DYNC1LI2: variants seen among roughly 807,000 people sequenced by gnomAD.
DYNC1LI2 encodes the protein cytoplasmic dynein 1 light intermediate chain 2.
Under a neutral mutation model 57.8 loss-of-function variants are expected in DYNC1LI2, and 19 were observed. The observed-to-expected ratio is 0.33, with a 90% CI of 0.23 to 0.48. DYNC1LI2 has a LOEUF of 0.48. Among genes scored for constraint, DYNC1LI2 ranks in the 20% least tolerant of loss-of-function variants. The pLI is 0.99. For missense variants in DYNC1LI2, 470 were observed against 604.2 expected (o/e 0.78, Z 2.33); for synonymous variants, 256 against 233.4 (o/e 1.10, Z -0.88).
intron 3 of DYNC1LI2, among the ~76,000 whole-genome samples, chr16:66,745,382 G>A (rs1244336455): frequency 6.6e-6 from 1 of 152,000 alleles, no homozygotes; most frequent in Non-Finnish European, 1.5e-5. Context: ...AGGTTCAGGC[G>A]ATCCTCATGC....
At chr16:66,743,752 A>G (rs1172706440) in intron 3 of DYNC1LI2, among the ~76,000 whole-genome samples, 1 of 152,212 alleles carries the variant, frequency 6.6e-6, no homozygotes, top group Non-Finnish European at 1.5e-5. Context: ...TGGTCACACT[A>G]AACAATGCAT....
At chr16:66,745,215 T>C (rs2017914066) in intron 3 of DYNC1LI2, among the ~76,000 whole-genome samples, 2 of 152,128 alleles carry the variant, frequency 1.3e-5, no homozygotes, top group Admixed American at 1.3e-4. Context: ...CTATGTTTTA[T>C]AAAAGTACCT....
In DYNC1LI2 at chr16:66,723,070, AC is replaced by A. The variant is rs1188720948; in HGVS notation, c.*651del. On this transcript the variant is annotated 3_prime_UTR_variant, in exon 13 of 13. Coordinates refer to ENST00000258198, the MANE Select transcript of DYNC1LI2 (RefSeq NM_006141.3). ...TGGGTCAGCTCCGCCTGACTCAGGCACCCCCACAATTAGTACATCTTTCGTA... is the reference window on the plus strand; with the variant it reads ...TGGGTCAGCTCCGCCTGACTCAGGCACCCCACAATTAGTACATCTTTCGTA... 13 of 334,518 alleles carry A rather than the reference AC, an allele frequency of 3.9e-5. No homozygotes were observed. Among genetic ancestry groups the A allele is most frequent in the South Asian group, 2.9e-4 (12 of 40,904 alleles). The allele number at this position is 334,518 out of a possible 1,614,324, so 20.7% of individuals were successfully genotyped here.
At chr16:66,746,540 T>C (rs191523995) in intron 3 of DYNC1LI2, among the ~76,000 whole-genome samples, 20 of 152,316 alleles carry the variant, frequency 1.3e-4, no homozygotes, top group Admixed American at 4.6e-4. Context: ...CCAAGAAGTT[T>C]TTAAGGTAAC....
chr16:66,746,553 T>A (rs982953472), intron 3 of DYNC1LI2, among the ~76,000 whole-genome samples: 3 of 152,116 alleles, frequency 2.0e-5, no homozygotes, highest in African/African-American at 7.2e-5. Context: ...AAGGTAACTT[T>A]AAAAAAATCT....
rs559136731 is a variant in DYNC1LI2 at position 66,725,945 on chromosome 16, C to G, written c.1262-1G>C. 3 of 1,608,534 alleles carry G rather than the reference C, an allele frequency of 1.9e-6. No individual in the cohort carries two copies. The South Asian group carries it at 3.3e-5, about 18-fold the overall frequency. The stretch of plus-strand genomic sequence containing the variant: ...AACACCCCTTCACTTGCTGCATTAT[C>G]TAAGGAAAATTAAAGAGAAAAAAAA... On this transcript the variant is annotated splice_acceptor_variant, in intron 11 of 12. Transcript: ENST00000258198. LOFTEE classifies it high-confidence loss of function.
At chr16:66,727,128 G>A (rs780573730) in intron 11 of DYNC1LI2, among the ~76,000 whole-genome samples, 19 of 152,174 alleles carry the variant, frequency 1.2e-4, no homozygotes, top group Non-Finnish European at 2.5e-4. Context: ...ATGTTGCCCG[G>A]GCTAGTCTCG....
chr16:66,742,750 T>G, intron 3 of DYNC1LI2, 82 bp from the exon 4 acceptor site: 1 of 1,454,746 alleles, frequency 6.9e-7, no homozygotes, highest in South Asian at 1.2e-5. Context: ...ATCAGGAAGA[T>G]CTTGAAGGTG....
At chr16:66,733,750 G>A (rs2017680615) in intron 6 of DYNC1LI2, among the ~76,000 whole-genome samples, 1 of 151,992 alleles carries the variant, frequency 6.6e-6, no homozygotes, top group South Asian at 2.1e-4. Flanking sequence ...CACACCTGTT[G>A]TCCCAGGTAC....
intron 3 of DYNC1LI2, 70 bp downstream of exon 3, chr16:66,749,127 G>T: frequency 2.1e-6 from 3 of 1,448,008 alleles, no homozygotes; most frequent in South Asian, 1.1e-5. Context: ...CATGCTGCAG[G>T]AACTGCACCC....
chr16:66,728,371 CCA>C, intron 9 of DYNC1LI2, 129 bp from the exon 10 acceptor site: 2 of 1,008,372 alleles, frequency 2.0e-6, no homozygotes, highest in Non-Finnish European at 2.9e-6. Flanking sequence ...ATGTTTTATA[CCA>C]CAGATGCCAA....
At chr16:66,737,220 G>A (rs1248557157) in intron 4 of DYNC1LI2, among the ~76,000 whole-genome samples, 1 of 152,092 alleles carries the variant, frequency 6.6e-6, no homozygotes, top group African/African-American at 2.4e-5. Flanking sequence ...AGGTTGCAGT[G>A]AGCTAAGATT....
chr16:66,741,738 A>T (rs975814556), intron 4 of DYNC1LI2, among the ~76,000 whole-genome samples: 1 of 152,102 alleles, frequency 6.6e-6, no homozygotes, highest in Non-Finnish European at 1.5e-5. Context: ...AGTGGACAGA[A>T]GATGATGTAA....
chr16:66,751,576 C>T lies in DYNC1LI2; in HGVS notation c.16G>A (p.Val6Met), dbSNP rs1433943973. 1.9e-6 allele frequency: 3 copies of T among 1,578,226 alleles called. No individual in the cohort carries two copies. Among genetic ancestry groups the T allele is most frequent in the South Asian group, 2.3e-5 (2 of 88,098 alleles). Residue 6 changes from valine to methionine, a missense_variant, in exon 1 of 13, where the codon GTG becomes ATG. Val to Met is a conservative substitution (Grantham distance 21). Coordinates refer to ENST00000258198, the MANE Select transcript of DYNC1LI2 (RefSeq NM_006141.3). This position sits in a 1 kb window ranked among gnomAD's most constrained non-coding sequence, Gnocchi z 5.2. MAPVG[V>M]EKKLLLGPNG... is the part of the protein sequence containing the mutation. Reference sequence around the variant, plus strand: ...GGACCTAGCAGCAGCTTCTTCTCCACCCCCACCGGCGCCATCTTGCCAACT... The same window carrying T: ...GGACCTAGCAGCAGCTTCTTCTCCATCCCCACCGGCGCCATCTTGCCAACT...
chr16:66,721,319 G>C lies in DYNC1LI2; in HGVS notation c.*2403C>G, dbSNP rs2017447820. 1 of 152,228 alleles carries C rather than the reference G, an allele frequency of 6.6e-6. No homozygotes were observed. The highest frequency in any genetic ancestry group is 1.9e-4 in the East Asian group (1 of 5,196). The allele number at this position is 152,228 out of a possible 1,614,324, so 9.4% of individuals were successfully genotyped here. Reference sequence around the variant, plus strand: ...TATCTTCAGCCACGTATTCAAAGGTGGGCTTTTCTCTGATTTTTTTTTTTA... The same window carrying C: ...TATCTTCAGCCACGTATTCAAAGGTCGGCTTTTCTCTGATTTTTTTTTTTA... On this transcript the variant is annotated 3_prime_UTR_variant, in exon 13 of 13. Transcript: ENST00000258198.
chr16:66,727,223 T>C (rs929147963), intron 11 of DYNC1LI2, among the ~76,000 whole-genome samples: 4 of 152,220 alleles, frequency 2.6e-5, no homozygotes, highest in African/African-American at 7.2e-5. Flanking sequence ...TGGCCTACAA[T>C]AAAAATTTTA....
chr16:66,747,051 T>G (rs2017948323), intron 3 of DYNC1LI2, among the ~76,000 whole-genome samples: 1 of 151,612 alleles, frequency 6.6e-6, no homozygotes, highest in South Asian at 2.1e-4. Context: ...CTGTCCTTCT[T>G]ACACAAGAGA....
intron 4 of DYNC1LI2, among the ~76,000 whole-genome samples, chr16:66,737,846 T>A (rs1445572842): frequency 6.6e-6 from 1 of 152,248 alleles, no homozygotes; most frequent in Non-Finnish European, 1.5e-5. Flanking sequence ...TGCACCTTTA[T>A]GTGGGCACTT....
intron 2 of DYNC1LI2, among the ~76,000 whole-genome samples, chr16:66,750,169 G>C (rs2018016854): frequency 6.6e-6 from 1 of 152,158 alleles, no homozygotes; most frequent in African/African-American, 2.4e-5. Flanking sequence ...TCCCTCTGCA[G>C]GCAGCGTTCT....
Sources: gnomAD v4.1 joint callset for allele counts (sites outside exome capture counted in the v4.1 genomes callset) on GRCh38, gnomAD v4.1.1 for gene constraint, Gnocchi (gnomAD v3.1) non-coding constraint, MANE v1.5 for transcripts, NCBI Gene and HGNC (gene_info 2026-07-23, HGNC 2026-07-21) for gene names.